PKIB: variants seen among roughly 807,000 people sequenced by gnomAD.
PKIB encodes cAMP-dependent protein kinase inhibitor beta, also known as PKI-beta.
PKIB carries 2 observed loss-of-function variants against 4.5 expected under a neutral mutation model. The observed-to-expected ratio is 0.44, with a 90% CI of 0.18 to 1.39. PKIB has a LOEUF of 1.39. PKIB is among the 40% of genes most tolerant of loss of function. The pLI is 0.27. For synonymous variants in PKIB, 38 were observed against 36.0 expected (o/e 1.06, Z -0.20); for missense variants, 94 against 92.6 (o/e 1.02, Z -0.06).
At chr6:122,560,656 T>A (rs1046231140) in intron 2 of PKIB, among the ~76,000 whole-genome samples, 1 of 152,176 alleles carries the variant, frequency 6.6e-6, no homozygotes, top group African/African-American at 2.4e-5. Context: ...CTGCTGTGAA[T>A]CCATCTGGTC....
chr6:122,681,127 G>A (rs186562831), intron 3 of PKIB, among the ~76,000 whole-genome samples: 1 of 152,100 alleles, frequency 6.6e-6, no homozygotes, highest in East Asian at 1.9e-4. Context: ...AATGAGCCAG[G>A]TCCTGACACA....
chr6:122,674,758 T>C (rs982141452), intron 2 of PKIB, among the ~76,000 whole-genome samples: 1 of 152,250 alleles, frequency 6.6e-6, no homozygotes, highest in African/African-American at 2.4e-5. Flanking sequence ...AAATATTTCC[T>C]GTAATGATCA....
chr6:122,576,710 A>ATATTTTTTTT (rs59569106), intron 2 of PKIB, among the ~76,000 whole-genome samples: 34 of 109,974 alleles, frequency 3.1e-4, no homozygotes, highest in African/African-American at 1.2e-3. Context: ...ATATATATAT[A>ATATTTTTTTT]TTTTCTTTTG....
chr6:122,642,962 A>G (rs1445840351), intron 2 of PKIB, among the ~76,000 whole-genome samples: 1 of 152,184 alleles, frequency 6.6e-6, no homozygotes, highest in South Asian at 2.1e-4. Context: ...AGCTCCTAGG[A>G]TTAAAAGGAT....
intron 2 of PKIB, among the ~76,000 whole-genome samples, chr6:122,502,451 G>A (rs1465553951): frequency 6.6e-6 from 1 of 151,648 alleles, no homozygotes; most frequent in Non-Finnish European, 1.5e-5. Context: ...GGAGGACTCA[G>A]AAAATTTACA....
At chr6:122,650,891 G>A (rs1258038809) in intron 2 of PKIB, among the ~76,000 whole-genome samples, 1 of 152,108 alleles carries the variant, frequency 6.6e-6, no homozygotes, top group Non-Finnish European at 1.5e-5. Flanking sequence ...GTTAATTCTG[G>A]CATTTGATTT....
intron 2 of PKIB, among the ~76,000 whole-genome samples, chr6:122,649,756 T>C (rs1776476723): frequency 6.6e-6 from 1 of 152,178 alleles, no homozygotes; most frequent in Non-Finnish European, 1.5e-5. Context: ...ATAGGCCCAG[T>C]AGCAGGCAAA....
chr6:122,714,110 T>C (rs1779384175), intron 3 of PKIB, among the ~76,000 whole-genome samples: 1 of 152,210 alleles, frequency 6.6e-6, no homozygotes, highest in South Asian at 2.1e-4. Flanking sequence ...AGTCACCTTG[T>C]GGATTCAAAT....
chr6:122,660,725 A>G (rs1776952936), intron 2 of PKIB, among the ~76,000 whole-genome samples: 3 of 152,176 alleles, frequency 2.0e-5, no homozygotes, highest in South Asian at 4.1e-4. Context: ...TAAAATGATC[A>G]TGTTTATTAT....
Position 122,700,140 on chromosome 6 carries a change from T to C in PKIB, c.-8-17647T>C, listed in dbSNP as rs555882109. Among the ~76,000 whole-genome samples, 5 of 150,728 alleles carry C rather than the reference T, an allele frequency of 3.3e-5. No individual in the cohort carries two copies. In the East Asian group the frequency reaches 7.9e-4, roughly 24 times the overall value. On this transcript the variant is annotated intron_variant, in intron 3 of 4. Transcript: ENST00000368452. The stretch of plus-strand genomic sequence containing the variant: ...AATATATTTTGAATTTCCAATTGGG[T>C]CAAATTGTAGATCTTTGTTTTAGGG...
rs1362151243 is a variant in PKIB at position 122,726,043 on chromosome 6, A to G, written c.*848A>G. The G allele has an allele frequency of 6.6e-6, 1 of 152,054 alleles. No homozygotes were observed. The highest frequency in any genetic ancestry group is 6.6e-5 in the Admixed American group (1 of 15,264). 9.4% of individuals were successfully genotyped at this position (152,054 alleles called of 1,614,324 possible). A position where few individuals can be genotyped will look rare whatever the true frequency, so the allele number is the denominator to read the frequency against. ...CTCAGCAATGCAGACCTTAATTTTT[A>G]TATTTTTTTAAAGTAGCTAACATAG... On this transcript the variant is annotated 3_prime_UTR_variant, in exon 5 of 5. Transcript: ENST00000368452.
chr6:122,679,878 A>C (rs965240530), intron 3 of PKIB, among the ~76,000 whole-genome samples: 1 of 152,218 alleles, frequency 6.6e-6, no homozygotes, highest in African/African-American at 2.4e-5. Context: ...GTGGAAGCTG[A>C]GGCTTCGAGA....
intron 1 of PKIB, among the ~76,000 whole-genome samples, chr6:122,474,169 A>G (rs1271252018): frequency 1.3e-5 from 2 of 152,176 alleles, no homozygotes; most frequent in African/African-American, 4.8e-5. Context: ...CATGCTATCT[A>G]ATAACTCAGT....
At chr6:122,543,602 G>A (rs647178) in intron 2 of PKIB, among the ~76,000 whole-genome samples, 121,711 of 151,516 alleles carry the variant, frequency 0.8, 49,210 homozygotes, top group South Asian at 0.92. Flanking sequence ...CTGGTCTTGA[G>A]CTCCTGACCT....
chr6:122,687,083 T>C (rs1778124060), intron 3 of PKIB, among the ~76,000 whole-genome samples: 2 of 152,202 alleles, frequency 1.3e-5, no homozygotes, highest in African/African-American at 4.8e-5. Context: ...TTTCCTTTAG[T>C]AGTTTCATAG....
intron 2 of PKIB, among the ~76,000 whole-genome samples, chr6:122,519,527 GTTT>G (rs1776870765): frequency 6.6e-6 from 1 of 152,126 alleles, no homozygotes; most frequent in Admixed American, 6.5e-5. Context: ...GGAGACCACT[GTTT>G]TAGGTTATAC....
In PKIB at chr6:122,568,875, G is replaced by C. The variant is rs1410440500; in HGVS notation, c.-247-17046G>C. On this transcript the variant is annotated intron_variant, in intron 2 of 6. Transcript: ENST00000392491. Reference sequence around the variant, plus strand: ...ATCTCTGTGGAAAGCTTATGGCCTCGGGCAGGTCTGAGTTCTGTGTGCAGA... The same window carrying C: ...ATCTCTGTGGAAAGCTTATGGCCTCCGGCAGGTCTGAGTTCTGTGTGCAGA... 2.0e-5 allele frequency among the ~76,000 whole-genome samples: 3 copies of C among 152,106 alleles called. No homozygotes were observed. In the South Asian group the frequency reaches 6.2e-4, roughly 32 times the overall value.
At chr6:122,585,420 T>G (rs1773821491) in intron 2 of PKIB, 1 of 152,170 alleles carries the variant, frequency 6.6e-6, no homozygotes, top group Non-Finnish European at 1.5e-5. Context: ...TTCTAACAGT[T>G]GACTTAGTTG....
At position 122,714,740 on chromosome 6, in the gene PKIB, C is replaced by G. The variant is rs111338635; in HGVS notation, c.-8-3047C>G. Among the ~76,000 whole-genome samples the G allele has an allele frequency of 3.2e-3, 490 of 152,220 alleles. 1 individual carries two copies. The highest frequency in any genetic ancestry group is 0.012 in the African/African-American group (482 of 41,534). Reference sequence around the variant, plus strand: ...AACTATTGGGTATTGGGCTTAATATCTGGGTGATGAAATAATCTGTACAAC... The same window carrying G: ...AACTATTGGGTATTGGGCTTAATATGTGGGTGATGAAATAATCTGTACAAC... On this transcript the variant is annotated intron_variant, in intron 3 of 4. Transcript: ENST00000368452.
Sources: gnomAD v4.1 joint callset for allele counts (sites outside exome capture counted in the v4.1 genomes callset) on GRCh38, gnomAD v4.1.1 for gene constraint, MANE v1.5 for transcripts, NCBI Gene and HGNC (gene_info 2026-07-23, HGNC 2026-07-21) for gene names.